SYNDIG1: variants seen among roughly 807,000 people sequenced by gnomAD.
The protein encoded by SYNDIG1 is synapse differentiation-inducing gene protein 1.
Under a neutral mutation model 19.4 loss-of-function variants are expected in SYNDIG1, and 9 were observed. The observed-to-expected ratio is 0.46, with a 90% CI of 0.28 to 0.81. SYNDIG1 has a LOEUF of 0.81. Ranked by LOEUF, SYNDIG1 falls within the 30% of genes least tolerant of loss-of-function variation. The probability of loss-of-function intolerance (pLI) is 0.12; values close to 1 mark genes in which losing one functional copy is unlikely to be tolerated. For synonymous variants in SYNDIG1, 141 were observed against 145.9 expected (o/e 0.97, Z 0.24); for missense variants, 311 against 343.3 (o/e 0.91, Z 0.74).
intron 1 of SYNDIG1, among the ~76,000 whole-genome samples, chr20:24,516,602 T>C (rs985253544): frequency 1.3e-5 from 2 of 152,030 alleles, no homozygotes; most frequent in Admixed American, 6.6e-5. Context: ...GAAATACAAA[T>C]CAAAACCACA....
intron 1 of SYNDIG1, among the ~76,000 whole-genome samples, chr20:24,508,217 A>ATT (rs1258532070): frequency 4.6e-5 from 5 of 109,798 alleles, no homozygotes; most frequent in Admixed American, 2.4e-4. Context: ...TAAGGAGGAT[A>ATT]ATTTTTTTTT....
intron 1 of SYNDIG1, 38 bp from the exon 2 acceptor site, chr20:24,542,982 T>C: frequency 6.8e-7 from 1 of 1,475,868 alleles, no homozygotes; most frequent in Non-Finnish European, 9.1e-7. Flanking sequence ...TTTTCAAGTG[T>C]GATTCTCTTG....
At chr20:24,527,131 G>A (rs1291992220) in intron 1 of SYNDIG1, among the ~76,000 whole-genome samples, 1 of 152,214 alleles carries the variant, frequency 6.6e-6, no homozygotes, top group East Asian at 1.9e-4. Flanking sequence ...CCCATTAGAA[G>A]AGACTGATCT....
At chr20:24,627,156 C>G (rs186911939) in intron 3 of SYNDIG1, among the ~76,000 whole-genome samples, 9 of 134,696 alleles carry the variant, frequency 6.7e-5, no homozygotes, top group East Asian at 2.0e-4. Flanking sequence ...AGAGGGAGAG[C>G]GAGAGCGAGA....
chr20:24,661,487 A>AAGAGGGAGGGAGGGAG (rs565674556), intron 3 of SYNDIG1, among the ~76,000 whole-genome samples: 1 of 13,472 alleles, frequency 7.4e-5, no homozygotes, highest in Non-Finnish European at 1.2e-4. Flanking sequence ...AGAGGGAGGA[A>AAGAGGGAGGGAGGGAG]GAAGGGAGGG....
intron 3 of SYNDIG1, among the ~76,000 whole-genome samples, chr20:24,630,792 CT>C (rs1217152383): frequency 6.6e-6 from 1 of 152,240 alleles, no homozygotes; most frequent in African/African-American, 2.4e-5. Flanking sequence ...GCCATTGCCC[CT>C]CTACAAGAAC....
At chr20:24,531,413 A>G (rs2057256596) in intron 1 of SYNDIG1, among the ~76,000 whole-genome samples, 1 of 152,202 alleles carries the variant, frequency 6.6e-6, no homozygotes, top group Non-Finnish European at 1.5e-5. Context: ...TGGGCGAGAC[A>G]TAGACTTTTA....
intron 3 of SYNDIG1, among the ~76,000 whole-genome samples, chr20:24,617,379 G>A (rs2058953678): frequency 1.3e-5 from 2 of 152,204 alleles, no homozygotes; most frequent in African/African-American, 4.8e-5. Flanking sequence ...GGACAAAAGG[G>A]GACATGGCAC....
chr20:24,648,162 G>C (rs1481401274), intron 3 of SYNDIG1, among the ~76,000 whole-genome samples: 1 of 152,172 alleles, frequency 6.6e-6, no homozygotes, highest in Non-Finnish European at 1.5e-5. Flanking sequence ...GAAGTTGGGG[G>C]GTGGGGTGGT....
chr20:24,602,874 T>G (rs900862948), intron 3 of SYNDIG1, among the ~76,000 whole-genome samples: 2 of 152,214 alleles, frequency 1.3e-5, no homozygotes, highest in Admixed American at 6.5e-5. Context: ...AACTACAAAA[T>G]TGGAAGCTTG....
chr20:24,613,037 C>G (rs1396590266), intron 3 of SYNDIG1, among the ~76,000 whole-genome samples: 1 of 152,174 alleles, frequency 6.6e-6, no homozygotes, highest in East Asian at 1.9e-4. Flanking sequence ...GGAGATGGCA[C>G]CGTGGGATGG....
intron 2 of SYNDIG1, among the ~76,000 whole-genome samples, chr20:24,573,496 T>C (rs1456062378): frequency 6.6e-6 from 1 of 152,114 alleles, no homozygotes; most frequent in Non-Finnish European, 1.5e-5. Flanking sequence ...ACAAATTATA[T>C]CCACACTGTG....
chr20:24,632,879 C>T (rs2059264850), intron 3 of SYNDIG1, among the ~76,000 whole-genome samples: 1 of 151,708 alleles, frequency 6.6e-6, no homozygotes, highest in Non-Finnish European at 1.5e-5. Flanking sequence ...TCGCGAGAAG[C>T]TGAAACAGAA....
At chr20:24,661,688 G>T (rs1365675169) in intron 3 of SYNDIG1, among the ~76,000 whole-genome samples, 1 of 151,964 alleles carries the variant, frequency 6.6e-6, no homozygotes. Flanking sequence ...GATAAACCAG[G>T]GACCTCAGGT....
intron 1 of SYNDIG1, among the ~76,000 whole-genome samples, chr20:24,479,527 C>A (rs1354402590): frequency 1.3e-5 from 2 of 152,150 alleles, no homozygotes; most frequent in African/African-American, 2.4e-5. Flanking sequence ...CTTCCCATGC[C>A]CCTTCCTCTG....
intron 3 of SYNDIG1, among the ~76,000 whole-genome samples, chr20:24,629,105 G>T (rs966772762): frequency 6.6e-6 from 1 of 152,234 alleles, no homozygotes; most frequent in East Asian, 1.9e-4. Context: ...GGAGGTGAAT[G>T]CTCAGCTGAG....
chr20:24,518,656 TG>T (rs1186112840), intron 1 of SYNDIG1, among the ~76,000 whole-genome samples: 2 of 152,208 alleles, frequency 1.3e-5, no homozygotes, highest in Non-Finnish European at 2.9e-5. Context: ...GCTTCCTGGG[TG>T]GCCCTGCTCG....
At chr20:24,640,831 C>T (rs1269384398) in intron 3 of SYNDIG1, among the ~76,000 whole-genome samples, 1 of 152,176 alleles carries the variant, frequency 6.6e-6, no homozygotes, top group Non-Finnish European at 1.5e-5. Flanking sequence ...TAGCATTTCA[C>T]AGGCACAAAA....
Position 24,653,073 on chromosome 20 carries a change from A to C in SYNDIG1, c.619-12273A>C, listed in dbSNP as rs113148495. On this transcript the variant is annotated intron_variant, in intron 3 of 3. Transcript: ENST00000376862. ...GAAAGACATTAAGTAAAAAGGGATCAGTTTCTAGTGGCACTTGAACATGTG... is the reference window on the plus strand; with the variant it reads ...GAAAGACATTAAGTAAAAAGGGATCCGTTTCTAGTGGCACTTGAACATGTG... Among the ~76,000 whole-genome samples, 5 of 152,332 alleles carry C rather than the reference A, an allele frequency of 3.3e-5. 1 individual carries two copies. The highest frequency in any genetic ancestry group is 9.6e-5 in the African/African-American group (4 of 41,572).
Sources: allele counts gnomAD v4.1 joint callset (sites outside exome capture counted in the v4.1 genomes callset), GRCh38; gene constraint gnomAD v4.1.1; transcripts MANE v1.5; gene names NCBI Gene and HGNC (gene_info 2026-07-23, HGNC 2026-07-21).